The following PHACTR1 variants were observed in gnomAD, a reference collection of about 807,000 sequenced individuals.
PHACTR1 encodes phosphatase and actin regulator 1.
Under a neutral mutation model 69.2 loss-of-function variants are expected in PHACTR1, and 16 were observed. The observed-to-expected ratio is 0.23, with a 90% CI of 0.16 to 0.35. The LOEUF (loss-of-function observed/expected upper bound fraction) is 0.35, where lower values mean the gene tolerates loss of function less well. Ranked by LOEUF, PHACTR1 falls within the 10% of genes least tolerant of loss-of-function variation. The probability of loss-of-function intolerance (pLI) is 1.00; values close to 1 mark genes in which losing one functional copy is unlikely to be tolerated. For synonymous variants in PHACTR1, 312 were observed against 284.5 expected (o/e 1.10, Z -0.97); for missense variants, 510 against 734.7 (o/e 0.69, Z 3.54).
intron 7 of PHACTR1, among the ~76,000 whole-genome samples, chr6:13,192,878 T>A (rs3864312): frequency 6.6e-6 from 1 of 152,030 alleles, no homozygotes; most frequent in African/African-American, 2.4e-5. Flanking sequence ...ATCTTTTGCC[T>A]GTATCTTCAT....
chr6:12,804,964 T>A (rs1382155351), intron 4 of PHACTR1, among the ~76,000 whole-genome samples: 2 of 152,226 alleles, frequency 1.3e-5, no homozygotes, highest in African/African-American at 4.8e-5. Flanking sequence ...CACTACAAAA[T>A]TATACAAAAC....
intron 4 of PHACTR1, among the ~76,000 whole-genome samples, chr6:12,926,743 C>G (rs540701711): frequency 5.3e-5 from 8 of 152,328 alleles, no homozygotes; most frequent in South Asian, 2.1e-4. Context: ...TCTTCTGATT[C>G]TCTGTTTACA....
chr6:12,779,729 G>A lies in PHACTR1; in HGVS notation c.250+29939G>A, dbSNP rs114276892. Reference sequence around the variant, plus strand: ...ACGGCTATTTTCTTGTTATGCCATAGGGTCCAGAAAGAAATATTTTTGGCA... The same window carrying A: ...ACGGCTATTTTCTTGTTATGCCATAAGGTCCAGAAAGAAATATTTTTGGCA... On this transcript the variant is annotated intron_variant, in intron 4 of 14. Transcript: ENST00000332995. Among the ~76,000 whole-genome samples, 465 of 152,288 alleles carry A rather than the reference G, an allele frequency of 3.1e-3. 3 individuals are homozygous for A. Among genetic ancestry groups the A allele is most frequent in the Middle Eastern group, 6.8e-3 (2 of 294 alleles).
chr6:12,839,118 A>G (rs1254774644), intron 4 of PHACTR1, among the ~76,000 whole-genome samples: 1 of 152,236 alleles, frequency 6.6e-6, no homozygotes, highest in African/African-American at 2.4e-5. Context: ...TCACATGGCT[A>G]GCAAGTAGCA....
chr6:12,965,732 C>T (rs527610139), intron 4 of PHACTR1, among the ~76,000 whole-genome samples: 3 of 152,154 alleles, frequency 2.0e-5, no homozygotes, highest in Non-Finnish European at 4.4e-5. Flanking sequence ...CTGAAGAAAA[C>T]GTGCTCACGG....
At chr6:13,087,015 G>T (rs935011989) in intron 5 of PHACTR1, among the ~76,000 whole-genome samples, 1 of 151,548 alleles carries the variant, frequency 6.6e-6, no homozygotes, top group Non-Finnish European at 1.5e-5. Context: ...TGACTAATGA[G>T]CATCTTTTCA....
chr6:13,285,396 TAGAC>T (rs968460746), intron 13 of PHACTR1, among the ~76,000 whole-genome samples: 7 of 152,298 alleles, frequency 4.6e-5, no homozygotes, highest in African/African-American at 1.7e-4. Context: ...GTATCGGCCA[TAGAC>T]AGAGCTATGC....
At chr6:13,253,334 G>GT (rs1774749172) in intron 10 of PHACTR1, among the ~76,000 whole-genome samples, 2 of 152,200 alleles carry the variant, frequency 1.3e-5, no homozygotes, top group African/African-American at 4.8e-5. Context: ...TGATTGGTGG[G>GT]TGCATGTGTT....
At chr6:12,953,499 T>A (rs1791531864) in intron 4 of PHACTR1, among the ~76,000 whole-genome samples, 1 of 152,206 alleles carries the variant, frequency 6.6e-6, no homozygotes. Flanking sequence ...GCAAATAAGT[T>A]AACAAATATG....
intron 4 of PHACTR1, among the ~76,000 whole-genome samples, chr6:12,811,003 T>C (rs1014694268): frequency 3.9e-5 from 6 of 152,202 alleles, no homozygotes; most frequent in African/African-American, 1.2e-4. Context: ...TCCTCTTAGA[T>C]GTTTCTTTGC....
chr6:12,969,834 G>A (rs374040922), intron 4 of PHACTR1, among the ~76,000 whole-genome samples: 22 of 152,166 alleles, frequency 1.4e-4, no homozygotes, highest in African/African-American at 5.3e-4. Context: ...ATGGTGGCAC[G>A]CGCCTATAAT....
intron 5 of PHACTR1, among the ~76,000 whole-genome samples, chr6:13,058,600 A>G (rs1204956080): frequency 3.3e-5 from 5 of 152,176 alleles, no homozygotes; most frequent in African/African-American, 9.7e-5. Context: ...AAATAAAGGT[A>G]AAGTCTCACC....
intron 4 of PHACTR1, among the ~76,000 whole-genome samples, chr6:12,936,406 T>C (rs1161774134): frequency 1.3e-5 from 2 of 152,194 alleles, no homozygotes; most frequent in African/African-American, 2.4e-5. Context: ...TCAAATGAGA[T>C]AATTAAAACA....
At chr6:12,792,958 G>C (rs142220156) in intron 4 of PHACTR1, among the ~76,000 whole-genome samples, 3 of 150,300 alleles carry the variant, frequency 2.0e-5, no homozygotes, top group African/African-American at 7.4e-5. Flanking sequence ...ACATTGCTTA[G>C]ATTTTACATT....
intron 4 of PHACTR1, among the ~76,000 whole-genome samples, chr6:13,008,265 A>G (rs1226105470): frequency 1.3e-5 from 2 of 152,216 alleles, no homozygotes; most frequent in Non-Finnish European, 2.9e-5. Flanking sequence ...CGGGGCAATC[A>G]AAGCTTGTCA....
chr6:13,125,026 C>T (rs900474319), intron 5 of PHACTR1, among the ~76,000 whole-genome samples: 2 of 152,064 alleles, frequency 1.3e-5, no homozygotes, highest in East Asian at 1.9e-4. Flanking sequence ...CCTGAAGCAC[C>T]AGTAAAATGA....
intron 4 of PHACTR1, among the ~76,000 whole-genome samples, chr6:12,985,057 A>C (rs1313957391): frequency 6.6e-6 from 1 of 152,236 alleles, no homozygotes; most frequent in African/African-American, 2.4e-5. Context: ...TTCCACTAGT[A>C]TATATAGATA....
intron 4 of PHACTR1, among the ~76,000 whole-genome samples, chr6:12,768,115 T>A (rs1007288532): frequency 6.9e-6 from 1 of 143,964 alleles, no homozygotes; most frequent in African/African-American, 2.6e-5. Context: ...AATCCTTTTT[T>A]TTTTTTTTTT....
At chr6:13,019,256 A>G (rs1035740307) in intron 4 of PHACTR1, among the ~76,000 whole-genome samples, 6 of 152,090 alleles carry the variant, frequency 3.9e-5, no homozygotes, top group African/African-American at 1.2e-4. Flanking sequence ...AATTGTACAC[A>G]TATGCAAAAG....
Sources: gnomAD v4.1 joint callset for allele counts (sites outside exome capture counted in the v4.1 genomes callset) on GRCh38, gnomAD v4.1.1 for gene constraint, MANE v1.5 for transcripts, NCBI Gene and HGNC (gene_info 2026-07-23, HGNC 2026-07-21) for gene names.